The following CCHCR1 variants were observed in gnomAD, a reference collection of about 807,000 sequenced individuals.
CCHCR1 encodes the protein coiled-coil alpha-helical rod protein 1.
CCHCR1 carries 91 observed loss-of-function variants against 114.6 expected under a neutral mutation model. The ratio of observed to expected loss-of-function variants is 0.79; its 90% CI spans 0.67 to 0.94. The LOEUF (loss-of-function observed/expected upper bound fraction) is 0.94, where lower values mean the gene tolerates loss of function less well. Ranked by LOEUF, CCHCR1 falls within the 40% of genes least tolerant of loss-of-function variation. CCHCR1 has a pLI of 0.00. For synonymous variants in CCHCR1, 379 were observed against 428.5 expected (o/e 0.88, Z 1.43); for missense variants, 899 against 1,079.9 (o/e 0.83, Z 2.35).
In CCHCR1 at chr6:31,152,403, A is replaced by G. The variant is rs181762518; in HGVS notation, c.802-1281T>C. On this transcript the variant is annotated intron_variant, in intron 4 of 17. Coordinates refer to ENST00000396268, the MANE Select transcript of CCHCR1 (RefSeq NM_001105564.2). The stretch of plus-strand genomic sequence containing the variant: ...GCCTAGACTGGAGTGCAATGGCACG[A>G]TCTCAGCTCACTGCAAACGCTGCCT... Among the ~76,000 whole-genome samples, 1,047 of 151,766 alleles carry G rather than the reference A, an allele frequency of 6.9e-3. 16 individuals are homozygous for G. Among genetic ancestry groups the G allele is most frequent in the African/African-American group, 0.022 (911 of 41,352 alleles).
At chr6:31,145,864 T>C in intron 10 of CCHCR1, 56 bp from the exon 11 acceptor site, 1 of 1,059,710 alleles carries the variant, frequency 9.4e-7, no homozygotes, top group Admixed American at 1.7e-5. Context: ...CCAAAGGACT[T>C]GCTGTGCCTT....
At position 31,148,638 on chromosome 6, in the gene CCHCR1, C is replaced by G; in HGVS notation, c.1453G>C (p.Val485Leu). The change falls in exon 9 of 18, where the codon GTG becomes CTG. Residue 485 changes from valine to leucine, a missense_variant. Val to Leu is a conservative substitution (Grantham distance 32). Transcript: ENST00000396268. ...SLQDKAAEVE[V>L]ERMGAKGLQL... ...CCAACCTTGGCACCCATACGCTCCA[C>G]CTCCACCTCTGCGGCTTTGTCCTGC... 1 of 1,612,310 alleles carries G rather than the reference C, an allele frequency of 6.2e-7. No homozygotes were observed. Among genetic ancestry groups the G allele is most frequent in the Non-Finnish European group, 8.5e-7 (1 of 1,179,302 alleles).
chr6:31,151,176 C>G lies in CCHCR1; in HGVS notation c.802-54G>C. 6.4e-7 allele frequency: 1 copy of G among 1,551,916 alleles called. No homozygotes were observed. Among genetic ancestry groups the G allele is most frequent in the East Asian group, 2.3e-5 (1 of 44,426 alleles). The stretch of plus-strand genomic sequence containing the variant: ...GGCTCGACCCCACATGGAGGCCTTC[C>G]TTGTTCCCTTCACTCCCACTTTCTG... On this transcript the variant is annotated intron_variant, in intron 4 of 17. Transcript: ENST00000396268. This position sits in a 1 kb window ranked among gnomAD's most constrained non-coding sequence, Gnocchi z 4.1.
rs946872220 is a variant in CCHCR1, at chr6:31,142,907, G to A, written c.2491+56C>T. On this transcript the variant is annotated intron_variant, in intron 17 of 17. Transcript: ENST00000396268. ...CACTCATCATGCGAGAGTCTGAAGAGGAGATTCCTGAAGTGCGCGCATTTG... is the reference window on the plus strand; with the variant it reads ...CACTCATCATGCGAGAGTCTGAAGAAGAGATTCCTGAAGTGCGCGCATTTG... The A allele has an allele frequency of 1.9e-5, 30 of 1,565,590 alleles. 1 individual carries two copies. In the South Asian group the frequency reaches 3.3e-4, roughly 17 times the overall value.
In CCHCR1 at chr6:31,154,563, A is replaced by T; in HGVS notation, c.734T>A (p.Val245Asp). The change falls in exon 4 of 18, where the codon GTC (valine) becomes GAC (aspartate). Residue 245 changes from valine to aspartate, a missense_variant. Physicochemically the swap from Val to Asp is radical, Grantham distance 152 (BLOSUM62 -3). Coordinates refer to ENST00000396268, the MANE Select transcript of CCHCR1 (RefSeq NM_001105564.2). The surrounding 1 kb of genome is among the most constrained non-coding windows in gnomAD (Gnocchi z 4.1). Reference sequence around the variant, plus strand: ...GCTCCCCTCTTCCAAGTTCTTCCGGACAACCTCAGCCCCAGCCAAAGCAGC... The same window carrying T: ...GCTCCCCTCTTCCAAGTTCTTCCGGTCAACCTCAGCCCCAGCCAAAGCAGC... ...LRAALAGAEV[V>D]RKNLEEGSQR... The T allele has an allele frequency of 6.2e-7, 1 of 1,613,032 alleles. No homozygotes were observed. Among genetic ancestry groups the T allele is most frequent in the Non-Finnish European group, 8.5e-7 (1 of 1,180,024 alleles).
rs1216257733 is a variant in CCHCR1, at chr6:31,144,339, T to G, written c.2167+348A>C. Among the ~76,000 whole-genome samples the G allele has an allele frequency of 6.6e-6, 1 of 151,722 alleles. No individual in the cohort carries two copies. Among genetic ancestry groups the G allele is most frequent in the Non-Finnish European group, 1.5e-5 (1 of 67,988 alleles). ...CTCACAAGTAAGCTTGGGGTACAGGTGCCCACCACCAGGCCTAGCTAATTT... is the reference window on the plus strand; with the variant it reads ...CTCACAAGTAAGCTTGGGGTACAGGGGCCCACCACCAGGCCTAGCTAATTT... On this transcript the variant is annotated intron_variant, in intron 15 of 17. Coordinates refer to ENST00000396268, the MANE Select transcript of CCHCR1 (RefSeq NM_001105564.2). The surrounding 1 kb of genome is among the most constrained non-coding windows in gnomAD (Gnocchi z 4.6).
chr6:31,155,328 G>T (rs1775833649), intron 3 of CCHCR1, among the ~76,000 whole-genome samples: 1 of 152,110 alleles, frequency 6.6e-6, no homozygotes, highest in Non-Finnish European at 1.5e-5. Context: ...TTATTGGCTG[G>T]GCGCGGTGGC....
At chr6:31,145,404 CA>C (rs1181124262) in intron 12 of CCHCR1, 43 bp downstream of exon 12, 9 of 1,613,240 alleles carry the variant, frequency 5.6e-6, no homozygotes, top group Non-Finnish European at 4.2e-6. Flanking sequence ...TCCCAGCAGC[CA>C]ATGCCCTAAA....
chr6:31,144,391 C>T lies in CCHCR1; in HGVS notation c.2167+296G>A, dbSNP rs144803964. On this transcript the variant is annotated intron_variant, in intron 15 of 17. Coordinates refer to ENST00000396268, the MANE Select transcript of CCHCR1 (RefSeq NM_001105564.2). The surrounding 1 kb of genome is among the most constrained non-coding windows in gnomAD (Gnocchi z 4.6). ...TGTATTTTTAGTCGAGACAGGGTTT[C>T]GCCATGTTGTCCAGGCTGGCCTCAA... 5 of 309,196 alleles carry T rather than the reference C, an allele frequency of 1.6e-5. No homozygotes were observed. The highest frequency in any genetic ancestry group is 5.0e-5 in the Admixed American group (1 of 20,042). 19.2% of individuals were successfully genotyped at this position (309,196 alleles called of 1,614,324 possible). A position where few individuals can be genotyped will look rare whatever the true frequency, so the allele number is the denominator to read the frequency against.
intron 12 of CCHCR1, 72 bp from the exon 13 acceptor site, chr6:31,145,374 A>G (rs370712046): frequency 4.3e-6 from 7 of 1,612,098 alleles, no homozygotes; most frequent in African/African-American, 1.3e-5. Context: ...ATCCCACCTC[A>G]GTCCTCATGG....
At position 31,154,874 on chromosome 6, in the gene CCHCR1, G is replaced by A; in HGVS notation, c.498-75C>T. 1 of 1,387,484 alleles carries A rather than the reference G, an allele frequency of 7.2e-7. No homozygotes were observed. Among genetic ancestry groups the A allele is most frequent in the Non-Finnish European group, 9.6e-7 (1 of 1,039,998 alleles). The allele number at this position is 1,387,484 out of a possible 1,614,324, so 85.9% of individuals were successfully genotyped here. A position where few individuals can be genotyped will look rare whatever the true frequency, so the allele number is the denominator to read the frequency against. ...ATAGTTGAGGGCATAAACATAGCCA[G>A]GAGAAGGAAAAGAGGACCCCTCTGC... On this transcript the variant is annotated intron_variant, in intron 3 of 17. Transcript: ENST00000396268. The surrounding 1 kb of genome is among the most constrained non-coding windows in gnomAD (Gnocchi z 4.1).
rs372842578 is a variant in CCHCR1, at chr6:31,144,807, C to T, written c.2066-19G>A. The T allele has an allele frequency of 3.8e-4, 607 of 1,611,950 alleles. No individual in the cohort carries two copies. The highest frequency in any genetic ancestry group is 4.7e-4 in the Non-Finnish European group (555 of 1,178,108). On this transcript the variant is annotated intron_variant, in intron 14 of 17. Transcript: ENST00000396268. This position sits in a 1 kb window ranked among gnomAD's most constrained non-coding sequence, Gnocchi z 4.6. ...TGCAGGGCTGGGGTGAAAGTGCAGA[C>T]GGGGCATATCAGCAGGAGCTTTGAT...
chr6:31,157,237 A>G, intron 1 of CCHCR1, 148 bp from the exon 2 acceptor site: 2 of 986,040 alleles, frequency 2.0e-6, no homozygotes, highest in South Asian at 2.7e-5. Context: ...CCAAAGTAGG[A>G]GATACCCCAA....
rs576883267 is a variant in CCHCR1, at chr6:31,144,708, G to A, written c.2146C>T (p.Arg716Trp). 1.3e-5 allele frequency: 21 copies of A among 1,611,834 alleles called. 1 individual carries two copies. The highest frequency in any genetic ancestry group is 6.6e-5 in the South Asian group (6 of 90,876). Residue 716 changes from arginine (R) to tryptophan (W), a missense_variant, in exon 15 of 18, where the codon CGG becomes TGG. Coordinates refer to ENST00000396268, the MANE Select transcript of CCHCR1 (RefSeq NM_001105564.2). This position sits in a 1 kb window ranked among gnomAD's most constrained non-coding sequence, Gnocchi z 4.6. ...TCACCGGCCTTGGCATGCTCCCTCC[G>A]AGCCTCGTTCAGCCTCCTCTCTGTG... ...SDTERRLNEARREHAKAVVSL... is the reference protein window; with the variant it reads ...SDTERRLNEAWREHAKAVVSL...
At position 31,151,866 on chromosome 6, in the gene CCHCR1, C is replaced by A. The variant is rs1367249210; in HGVS notation, c.802-744G>T. 6.6e-6 allele frequency among the ~76,000 whole-genome samples: 1 copy of A among 152,116 alleles called. No homozygotes were observed. Among genetic ancestry groups the A allele is most frequent in the Non-Finnish European group, 1.5e-5 (1 of 68,030 alleles). ...TCATGGGATGGACTGGAAAGGAGGG[C>A]AAAGTGCCCACCCTGCTTCCTGGTC... On this transcript the variant is annotated intron_variant, in intron 4 of 17. Coordinates refer to ENST00000396268, the MANE Select transcript of CCHCR1 (RefSeq NM_001105564.2). The surrounding 1 kb of genome is among the most constrained non-coding windows in gnomAD (Gnocchi z 4.1).
intron 8 of CCHCR1, among the ~76,000 whole-genome samples, 163 bp from the exon 9 acceptor site, chr6:31,148,891 C>A (rs1290455722): frequency 6.6e-6 from 1 of 151,874 alleles, no homozygotes; most frequent in Non-Finnish European, 1.5e-5. Context: ...GTGGCTCACA[C>A]CTGTAATCCC....
intron 17 of CCHCR1, 53 bp downstream of exon 17, chr6:31,142,910 G>T: frequency 6.4e-7 from 1 of 1,570,186 alleles, no homozygotes; most frequent in Non-Finnish European, 8.7e-7. Flanking sequence ...CTGAAGAGGA[G>T]ATTCCTGAAG....
At position 31,150,230 on chromosome 6, in the gene CCHCR1, G is replaced by T; in HGVS notation, c.1213-15C>A. On this transcript the variant is annotated splice_polypyrimidine_tract_variant and intron_variant, in intron 7 of 17. Transcript: ENST00000396268. The surrounding 1 kb of genome is among the most constrained non-coding windows in gnomAD (Gnocchi z 5.3). ...GAAGGTTGAACCTGAGGGAGAAGGA[G>T]TGGGAGAAAAGTGTGGGCTCCTGGG... is the stretch of plus-strand genomic sequence containing the variant. The T allele has an allele frequency of 6.2e-7, 1 of 1,613,698 alleles. No individual in the cohort carries two copies. Among genetic ancestry groups the T allele is most frequent in the Non-Finnish European group, 8.5e-7 (1 of 1,179,732 alleles).
Position 31,154,837 on chromosome 6 carries a change from AGTGCTGGAAGGATAGTT to A in CCHCR1, c.498-55_498-39del. 6.5e-7 allele frequency: 1 copy of A among 1,542,376 alleles called. No homozygotes were observed. The highest frequency in any genetic ancestry group is 8.7e-7 in the Non-Finnish European group (1 of 1,143,498). On this transcript the variant is annotated intron_variant, in intron 3 of 17. Coordinates refer to ENST00000396268, the MANE Select transcript of CCHCR1 (RefSeq NM_001105564.2). This position sits in a 1 kb window ranked among gnomAD's most constrained non-coding sequence, Gnocchi z 4.1. ...GTTAGTGCAGGTGAGACTTGTCTCC[AGTGCTGGAAGGATAGTT>A]GAGGGCATAAACATAGCCAGGAGAA... is the stretch of plus-strand genomic sequence containing the variant.
Sources: allele counts gnomAD v4.1 joint callset (sites outside exome capture counted in the v4.1 genomes callset), GRCh38; gene constraint gnomAD v4.1.1; non-coding constraint Gnocchi (gnomAD v3.1); transcripts MANE v1.5; gene names NCBI Gene and HGNC (gene_info 2026-07-23, HGNC 2026-07-21).